Variants in TRPM8 observed in about 807,000 individuals in gnomAD.
The protein encoded by TRPM8 is TRPM8 cationic channel.
A neutral mutation model predicts 133.7 loss-of-function variants in TRPM8; 110 were observed. That is an observed-to-expected ratio of 0.82 (90% confidence interval 0.70 to 0.96). The LOEUF is 0.96. Ranked by LOEUF, TRPM8 falls within the 40% of genes least tolerant of loss-of-function variation. TRPM8 has a pLI of 0.00. For missense variants in TRPM8, 1,291 were observed against 1,379.5 expected, an observed-to-expected ratio of 0.94 and a Z score of 1.02; for synonymous variants, 535 against 532.3, an observed-to-expected ratio of 1.01 and a Z score of -0.07.
chr2:233,931,618 A>G (rs954826120), intron 3 of TRPM8, among the ~76,000 whole-genome samples: 1 of 152,220 alleles, frequency 6.6e-6, no homozygotes. Context: ...TATCCTAAAA[A>G]TCTAGCAAAA....
At chr2:233,993,413 C>T (rs1225072873) in intron 21 of TRPM8, among the ~76,000 whole-genome samples, 1 of 152,180 alleles carries the variant, frequency 6.6e-6, no homozygotes, top group Non-Finnish European at 1.5e-5. Flanking sequence ...GGGCACTGGC[C>T]TACGTGCACT....
intron 24 of TRPM8, chr2:234,013,919 T>C (rs948611592): frequency 1.3e-5 from 2 of 152,168 alleles, no homozygotes; most frequent in Non-Finnish European, 2.9e-5. Flanking sequence ...TAAATACAGA[T>C]TTTTTTCTTG....
chr2:233,965,053 TGGGG>T (rs58907890), intron 14 of TRPM8, among the ~76,000 whole-genome samples: 6 of 123,790 alleles, frequency 4.8e-5, no homozygotes, highest in African/African-American at 1.6e-4. Context: ...CTTTTTTTTG[TGGGG>T]GGGGGGGGTG....
chr2:233,968,098 G>C (rs1313520321), intron 15 of TRPM8: 1 of 152,318 alleles, frequency 6.6e-6, no homozygotes, highest in African/African-American at 2.4e-5. Context: ...ACCCAACCCA[G>C]TGCTGTAATT....
Position 233,961,070 on chromosome 2 carries a change from G to T in TRPM8, c.1653+4G>T, listed in dbSNP as rs1574728251. On this transcript the variant is annotated splice_donor_region_variant and intron_variant, in intron 12 of 25. Transcript: ENST00000324695. ...CGAGATGGACATAGAACTCCACGTA[G>T]GTACTGGGAGAGTTGCCTGCTTGAG... The T allele has an allele frequency of 6.2e-7, 1 of 1,609,484 alleles. No homozygotes were observed. Among genetic ancestry groups the T allele is most frequent in the Non-Finnish European group, 8.5e-7 (1 of 1,177,140 alleles).
chr2:233,995,500 T>C (rs1024607), intron 21 of TRPM8, among the ~76,000 whole-genome samples: 65,192 of 152,072 alleles, frequency 0.43, 14,141 homozygotes, highest in East Asian at 0.52. Context: ...CCAAGGTGAC[T>C]GCCATTTGTG....
chr2:233,995,681 A>G (rs1285457461), intron 21 of TRPM8, among the ~76,000 whole-genome samples: 1 of 151,990 alleles, frequency 6.6e-6, no homozygotes, highest in Non-Finnish European at 1.5e-5. Context: ...ATTAATCGTA[A>G]TGTGTGACAC....
At chr2:233,933,573 C>A (rs1316597977) in intron 3 of TRPM8, among the ~76,000 whole-genome samples, 17 of 152,274 alleles carry the variant, frequency 1.1e-4, no homozygotes, top group Admixed American at 1.0e-3. Flanking sequence ...ATTTATAAAC[C>A]AGTTCATACA....
At chr2:233,939,413 A>AT (rs989011840) in intron 5 of TRPM8, among the ~76,000 whole-genome samples, 9 of 152,116 alleles carry the variant, frequency 5.9e-5, no homozygotes, top group African/African-American at 9.7e-5. Context: ...CCTTAGGGGA[A>AT]TTTTTTTTAA....
chr2:233,970,258 G>T lies in TRPM8; in HGVS notation c.2187G>T (p.Ala729=), dbSNP rs137895658. The change falls in exon 17 of 26, where the codon GCG becomes GCT. Residue 729 remains alanine (A), a synonymous_variant. Transcript: ENST00000324695. ...AGAAGCTGCTTTGGTACTATGTGGC[G>T]TTCTTCACCTCCCCCTTCGTGGTCT... ...KHKKLLWYYV[A]FFTSPFVVFS... The T allele has an allele frequency of 1.2e-6, 2 of 1,614,058 alleles. No homozygotes were observed. The highest frequency in any genetic ancestry group is 2.2e-5 in the South Asian group (2 of 91,080).
intron 3 of TRPM8, 84 bp from the exon 4 acceptor site, chr2:233,937,269 T>C: frequency 2.0e-6 from 3 of 1,497,436 alleles, no homozygotes; most frequent in Non-Finnish European, 1.8e-6. Context: ...ATCCTTTGTG[T>C]GTCTATTTAA....
At chr2:233,975,350 G>T (rs1286400513) in intron 17 of TRPM8, among the ~76,000 whole-genome samples, 1 of 152,188 alleles carries the variant, frequency 6.6e-6, no homozygotes, top group Admixed American at 6.5e-5. Flanking sequence ...AGCTGGAGAG[G>T]AACCCTGCCC....
intron 12 of TRPM8, among the ~76,000 whole-genome samples, chr2:233,962,574 A>G (rs1691465545): frequency 6.6e-6 from 1 of 152,134 alleles, no homozygotes; most frequent in Admixed American, 6.5e-5. Flanking sequence ...GAATTTTTAG[A>G]GTGCGTGTAT....
intron 14 of TRPM8, 84 bp from the exon 15 acceptor site, chr2:233,966,526 G>A (rs1259036512): frequency 1.3e-6 from 2 of 1,559,554 alleles, no homozygotes; most frequent in African/African-American, 2.7e-5. Context: ...TTTGGATTCA[G>A]GGGTTGGCTG....
intron 12 of TRPM8, among the ~76,000 whole-genome samples, chr2:233,962,770 T>C (rs1691471416): frequency 6.6e-6 from 1 of 152,220 alleles, no homozygotes; most frequent in African/African-American, 2.4e-5. Context: ...CATTTAGTTG[T>C]TTTCTACCTG....
chr2:234,001,634 A>C (rs1692565528), intron 22 of TRPM8, among the ~76,000 whole-genome samples: 1 of 152,152 alleles, frequency 6.6e-6, no homozygotes, highest in African/African-American at 2.4e-5. Flanking sequence ...CAAGAAAAGC[A>C]CAGCATGAAA....
intron 17 of TRPM8, among the ~76,000 whole-genome samples, chr2:233,975,686 G>A (rs1211678683): frequency 6.6e-6 from 1 of 152,206 alleles, no homozygotes; most frequent in East Asian, 1.9e-4. Flanking sequence ...TTCGAGACCA[G>A]CCTGGCCAAC....
intron 8 of TRPM8, chr2:233,947,541 C>T (rs1335762754): frequency 7.7e-7 from 1 of 1,297,222 alleles, no homozygotes; most frequent in Admixed American, 2.3e-5. Flanking sequence ...CAGATGTTTC[C>T]AGACCACCTA....
In TRPM8 at chr2:233,946,021, A is replaced by G. The variant is rs780797506; in HGVS notation, c.865A>G (p.Thr289Ala). The change falls in exon 7 of 26, where the codon ACT becomes GCT. Residue 289 changes from threonine (T) to alanine (A), a missense_variant. Thr to Ala is a moderately conservative substitution (Grantham distance 58, BLOSUM62 0). Around this residue, in one of 2 missense-constraint regions of TRPM8, gnomAD observed 963 missense variants for 968.9 expected, o/e 0.99. Coordinates refer to ENST00000324695, the MANE Select transcript of TRPM8 (RefSeq NM_024080.5). Reference protein sequence around the residue: ...NQLEKYISERTIQDSNYGGKI... With the variant: ...NQLEKYISERAIQDSNYGGKI... ...GCTAGAGAAGTATATCTCTGAGCGC[A>G]CTATTCAAGGTCAGTGGTTAGGAGG... is the stretch of plus-strand genomic sequence containing the variant. The G allele has an allele frequency of 6.2e-7, 1 of 1,614,120 alleles. No homozygotes were observed. The highest frequency in any genetic ancestry group is 2.2e-5 in the East Asian group (1 of 44,870).
Sources: gnomAD v4.1 joint callset for allele counts (sites outside exome capture counted in the v4.1 genomes callset) on GRCh38, gnomAD v4.1.1 for gene constraint, gnomAD v4.1.1 regional missense constraint, MANE v1.5 for transcripts, NCBI Gene and HGNC (gene_info 2026-07-23, HGNC 2026-07-21) for gene names.